Variants in PINX1 observed in about 807,000 individuals in gnomAD.
PINX1 encodes PIN2/TERF1-interacting telomerase inhibitor 1.
A neutral mutation model predicts 25.4 loss-of-function variants in PINX1; 34 were observed. The observed-to-expected ratio is 1.34, with a 90% CI of 1.02 to 1.78. The LOEUF (loss-of-function observed/expected upper bound fraction) is 1.78, where lower values mean the gene tolerates loss of function less well. Ranked by LOEUF, PINX1 falls within the 40% of genes most tolerant of loss-of-function variation. PINX1 has a pLI of 0.00. For missense variants in PINX1, 592 were observed against 404.9 expected, an observed-to-expected ratio of 1.46 and a Z score of -3.97; for synonymous variants, 197 against 147.7, an observed-to-expected ratio of 1.33 and a Z score of -2.42.
chr8:10,817,542 T>C (rs1348825910), intron 6 of PINX1, among the ~76,000 whole-genome samples: 3 of 152,234 alleles, frequency 2.0e-5, no homozygotes, highest in Admixed American at 1.3e-4. Flanking sequence ...CATTTTGCTT[T>C]ATAGAAAGAT....
Position 10,798,695 on chromosome 8 carries a change from T to C in PINX1, c.471+21498A>G, listed in dbSNP as rs138598122. Among the ~76,000 whole-genome samples the C allele has an allele frequency of 5.0e-3, 760 of 152,284 alleles. 9 individuals are homozygous for C. Among genetic ancestry groups the C allele is most frequent in the South Asian group, 0.025 (120 of 4,822 alleles). On this transcript the variant is annotated intron_variant, in intron 6 of 6. Coordinates refer to ENST00000314787, the MANE Select transcript of PINX1 (RefSeq NM_017884.6). ...TTACTTTTGCAACTCTCTCAAAAGG[T>C]AGAGACACCTTTTCTAAATTCAGAA...
intron 6 of PINX1, among the ~76,000 whole-genome samples, chr8:10,788,826 G>C (rs2129075739): frequency 6.6e-6 from 1 of 152,320 alleles, no homozygotes; most frequent in South Asian, 2.1e-4. Context: ...AAAGCGGTGG[G>C]TTTCCCTTAT....
intron 6 of PINX1, among the ~76,000 whole-genome samples, chr8:10,766,344 T>C (rs567390556): frequency 1.3e-5 from 2 of 152,228 alleles, no homozygotes; most frequent in South Asian, 2.1e-4. Context: ...ACCGATTTCA[T>C]CTTCATTATG....
intron 1 of PINX1, among the ~76,000 whole-genome samples, chr8:10,838,633 GA>G (rs1798477609): frequency 6.6e-6 from 1 of 152,172 alleles, no homozygotes; most frequent in Non-Finnish European, 1.5e-5. Context: ...AAAACCAGAA[GA>G]GATCTTAGCT....
chr8:10,771,876 A>G (rs924759991), intron 6 of PINX1, among the ~76,000 whole-genome samples: 4 of 152,228 alleles, frequency 2.6e-5, no homozygotes, highest in African/African-American at 9.6e-5. Flanking sequence ...TAACTACTGC[A>G]GAGTACATCT....
chr8:10,826,042 G>A, intron 5 of PINX1, 110 bp downstream of exon 5: 1 of 622,432 alleles, frequency 1.6e-6, no homozygotes, highest in African/African-American at 1.9e-5. Flanking sequence ...AATGCAGTCG[G>A]AGCTGTCCAT....
intron 5 of PINX1, chr8:10,825,384 C>T (rs59878596): frequency 0.023 from 12,497 of 534,734 alleles, 1,259 homozygotes; most frequent in African/African-American, 0.22. Flanking sequence ...ACAGCATCAG[C>T]AGCATCATCA....
At chr8:10,795,756 G>C (rs571901338) in intron 6 of PINX1, among the ~76,000 whole-genome samples, 1 of 152,070 alleles carries the variant, frequency 6.6e-6, no homozygotes, top group African/African-American at 2.4e-5. Flanking sequence ...TACCTAAATA[G>C]GTAAAGTCAA....
intron 5 of PINX1, among the ~76,000 whole-genome samples, chr8:10,824,176 A>G (rs867450620): frequency 7.2e-5 from 11 of 152,342 alleles, no homozygotes; most frequent in African/African-American, 1.9e-4. Context: ...ATGTATCCAC[A>G]TTTTACAAAA....
At chr8:10,815,233 T>A (rs1797662820) in intron 6 of PINX1, among the ~76,000 whole-genome samples, 1 of 152,208 alleles carries the variant, frequency 6.6e-6, no homozygotes, top group South Asian at 2.1e-4. Context: ...CGAGCCACTG[T>A]GCCCAGCTAG....
intron 2 of PINX1, 130 bp downstream of exon 2, chr8:10,834,536 T>G: frequency 2.2e-6 from 3 of 1,342,006 alleles, no homozygotes; most frequent in East Asian, 5.0e-5. Context: ...ACAACAATTT[T>G]TGATTTGGGA....
chr8:10,765,548 A>T lies in PINX1; in HGVS notation c.840T>A (p.His280Gln). ...AGTCCCGGCCCTCAGGCGGCTGCAC[A>T]TGGTCCCCTGCATCCTGAGCAGAGG... ...SKASAQDAGDHVQPPEGRDFT... is the reference protein window; with the variant it reads ...SKASAQDAGDQVQPPEGRDFT... The change falls in exon 7 of 7, where the codon CAT (histidine) becomes CAA (glutamine). Residue 280 changes from histidine to glutamine, a missense_variant. Physicochemically the swap from His to Gln is conservative, Grantham distance 24. Transcript: ENST00000314787. The T allele has an allele frequency of 6.2e-7, 1 of 1,613,622 alleles. No homozygotes were observed. Among genetic ancestry groups the T allele is most frequent in the Non-Finnish European group, 8.5e-7 (1 of 1,179,876 alleles).
chr8:10,772,386 G>T (rs1378718975), intron 6 of PINX1, among the ~76,000 whole-genome samples: 1 of 152,256 alleles, frequency 6.6e-6, no homozygotes, highest in African/African-American at 2.4e-5. Flanking sequence ...AGCCTGCCCT[G>T]AGCCACTATG....
chr8:10,769,666 G>C (rs1161946559), intron 6 of PINX1, among the ~76,000 whole-genome samples: 1 of 152,182 alleles, frequency 6.6e-6, no homozygotes, highest in Non-Finnish European at 1.5e-5. Flanking sequence ...CCTGAGGAGA[G>C]GCGTCCTCTC....
chr8:10,803,669 C>T (rs186053261), intron 6 of PINX1, among the ~76,000 whole-genome samples: 4 of 152,178 alleles, frequency 2.6e-5, no homozygotes, highest in African/African-American at 9.7e-5. Context: ...AGCTTTTTGG[C>T]AGGAAGAGTT....
rs1802437425 is a variant in PINX1 at position 10,805,944 on chromosome 8, CGG to C, written c.471+14247_471+14248del. On this transcript the variant is annotated intron_variant, in intron 6 of 6. Coordinates refer to ENST00000314787, the MANE Select transcript of PINX1 (RefSeq NM_017884.6). Reference sequence around the variant, plus strand: ...GGCCACACTAGTGCTGAGGGGGTGACGGAGCACAGGAAGGGGCCACACTAGTG... The same window carrying C: ...GGCCACACTAGTGCTGAGGGGGTGACAGCACAGGAAGGGGCCACACTAGTG... 1.4e-4 allele frequency among the ~76,000 whole-genome samples: 8 copies of C among 56,466 alleles called. 2 individuals carry two copies. The highest frequency in any genetic ancestry group is 8.9e-4 in the African/African-American group (8 of 8,942). 37.0% of individuals were successfully genotyped at this position (56,466 alleles called of 152,430 possible).
chr8:10,820,676 C>T (rs933075448), intron 5 of PINX1, among the ~76,000 whole-genome samples: 1 of 152,092 alleles, frequency 6.6e-6, no homozygotes, highest in African/African-American at 2.4e-5. Context: ...TTACGAAATA[C>T]ACATGAAAAA....
intron 6 of PINX1, among the ~76,000 whole-genome samples, chr8:10,780,388 C>G (rs1287753236): frequency 6.6e-6 from 1 of 152,088 alleles, no homozygotes; most frequent in Admixed American, 6.5e-5. Context: ...GAGAAATTTT[C>G]TTTCTGTACC....
chr8:10,805,617 T>G (rs11988800), intron 6 of PINX1, among the ~76,000 whole-genome samples: 6,003 of 47,900 alleles, frequency 0.13, 409 homozygotes, highest in Admixed American at 0.16. Flanking sequence ...TAGCGCTGAG[T>G]GGGTGACGGA....
Sources: allele counts gnomAD v4.1 joint callset (sites outside exome capture counted in the v4.1 genomes callset), GRCh38; gene constraint gnomAD v4.1.1; transcripts MANE v1.5; gene names NCBI Gene and HGNC (gene_info 2026-07-23, HGNC 2026-07-21).